The following MAGI1 variants were observed in gnomAD, a reference collection of about 807,000 sequenced individuals.
MAGI1 encodes the protein membrane-associated guanylate kinase, WW and PDZ domain-containing protein 1.
MAGI1 carries 58 observed loss-of-function variants against 139.9 expected under a neutral mutation model. The observed-to-expected ratio is 0.41, with a 90% CI of 0.34 to 0.52. MAGI1 has a LOEUF of 0.52. Ranked by LOEUF, MAGI1 falls within the 20% of genes least tolerant of loss-of-function variation. The pLI is 0.12. For synonymous variants in MAGI1, 812 were observed against 737.9 expected, an observed-to-expected ratio of 1.10 and a Z score of -1.63; for missense variants, 1,874 against 1,901.6, an observed-to-expected ratio of 0.99 and a Z score of 0.27.
At chr3:65,381,339 A>G (rs115137088) in intron 16 of MAGI1, among the ~76,000 whole-genome samples, 1 of 152,280 alleles carries the variant, frequency 6.6e-6, no homozygotes, top group African/African-American at 2.4e-5. Context: ...TATTTTGAGA[A>G]TTAAAGTTCA....
At chr3:65,941,589 T>G (rs2106842204) in intron 1 of MAGI1, among the ~76,000 whole-genome samples, 1 of 152,230 alleles carries the variant, frequency 6.6e-6, no homozygotes, top group Middle Eastern at 3.4e-3. Context: ...AACTGTCCCC[T>G]ATGGGGACAA....
intron 1 of MAGI1, among the ~76,000 whole-genome samples, chr3:65,978,070 C>T (rs1325947736): frequency 1.3e-5 from 2 of 152,140 alleles, no homozygotes; most frequent in Non-Finnish European, 2.9e-5. Context: ...ATGCCTATTA[C>T]GTGCCATATG....
rs371420774 is a variant in MAGI1 at position 66,009,885 on chromosome 3, G to A, written c.313+28111C>T. The stretch of plus-strand genomic sequence containing the variant: ...GAGGTCAGGAGTTCCAGACCAGCCT[G>A]GTTAACATGGTGAAACCCTGTCTCT... On this transcript the variant is annotated intron_variant, in intron 1 of 22. Coordinates refer to ENST00000402939, the MANE Select transcript of MAGI1 (RefSeq NM_001033057.2). Among the ~76,000 whole-genome samples the A allele has an allele frequency of 4.8e-3, 734 of 151,934 alleles. 7 individuals carry two copies. The highest frequency in any genetic ancestry group is 0.016 in the African/African-American group (680 of 41,458).
At chr3:65,530,627 GTGTGTGTGTGTGT>G (rs2078609260) in intron 2 of MAGI1, among the ~76,000 whole-genome samples, 1 of 1,164 alleles carries the variant, frequency 8.6e-4, no homozygotes, top group African/African-American at 1.4e-3. Context: ...TGTGTGTGGT[GTGTGTGTGTGTGT>G]GTGTGTGTGT....
At chr3:65,718,485 C>T (rs932042784) in intron 1 of MAGI1, 4 of 152,124 alleles carry the variant, frequency 2.6e-5, no homozygotes, top group African/African-American at 7.2e-5. Context: ...CTATCTTTTC[C>T]AATCTACTTC....
intron 2 of MAGI1, among the ~76,000 whole-genome samples, chr3:65,524,675 G>T (rs899195810): frequency 1.4e-4 from 21 of 152,162 alleles, no homozygotes; most frequent in Non-Finnish European, 2.1e-4. Context: ...ATAGTGAAGG[G>T]CATTGAAGTT....
chr3:65,763,964 G>A (rs2037257069), intron 1 of MAGI1, among the ~76,000 whole-genome samples: 1 of 151,300 alleles, frequency 6.6e-6, no homozygotes. Flanking sequence ...GCCAGCTACT[G>A]GGGAGGCTGA....
chr3:65,601,650 T>C (rs1228055368), intron 2 of MAGI1, among the ~76,000 whole-genome samples: 5 of 152,070 alleles, frequency 3.3e-5, no homozygotes, highest in Non-Finnish European at 1.5e-5. Context: ...ACCATGGACC[T>C]AAAATTATAA....
At chr3:65,397,950 T>C (rs1575606788) in intron 13 of MAGI1, among the ~76,000 whole-genome samples, 1 of 152,126 alleles carries the variant, frequency 6.6e-6, no homozygotes, top group Non-Finnish European at 1.5e-5. Context: ...CTGGCACACA[T>C]AAAATAATAA....
intron 1 of MAGI1, among the ~76,000 whole-genome samples, chr3:65,745,886 G>C (rs1245660261): frequency 6.6e-6 from 1 of 151,962 alleles, no homozygotes; most frequent in African/African-American, 2.4e-5. Flanking sequence ...GCACTATCAT[G>C]CCCAGCTAAT....
intron 1 of MAGI1, among the ~76,000 whole-genome samples, chr3:65,734,555 A>AAGAAAGAGAGAGAGGGAG (rs2034539618): frequency 7.2e-6 from 1 of 139,592 alleles, no homozygotes; most frequent in Non-Finnish European, 1.5e-5. Flanking sequence ...GAAAGAGAGA[A>AAGAAAGAGAGAGAGGGAG]AGAAAGAGAG....
chr3:65,597,397 G>C (rs1229505193), intron 2 of MAGI1, among the ~76,000 whole-genome samples: 1 of 151,744 alleles, frequency 6.6e-6, no homozygotes, highest in Non-Finnish European at 1.5e-5. Context: ...AATACAAAGC[G>C]CGCGCCACAC....
intron 1 of MAGI1, among the ~76,000 whole-genome samples, chr3:65,812,845 G>C (rs1259154955): frequency 6.6e-6 from 1 of 151,050 alleles, no homozygotes; most frequent in Non-Finnish European, 1.5e-5. Flanking sequence ...AAGTAGCTGG[G>C]ACTACAGGCA....
intron 1 of MAGI1, among the ~76,000 whole-genome samples, chr3:65,763,869 A>G (rs1293827580): frequency 3.9e-5 from 6 of 151,904 alleles, no homozygotes; most frequent in African/African-American, 1.4e-4. Context: ...ACAGGAGTTC[A>G]AGACCAGCCT....
intron 1 of MAGI1, among the ~76,000 whole-genome samples, chr3:65,864,283 C>T (rs1381977004): frequency 6.6e-6 from 1 of 152,162 alleles, no homozygotes; most frequent in Non-Finnish European, 1.5e-5. Context: ...AAAAGCTCAA[C>T]ACTGGATTTT....
At chr3:65,469,293 T>C (rs144455659) in intron 5 of MAGI1, among the ~76,000 whole-genome samples, 24 of 152,310 alleles carry the variant, frequency 1.6e-4, no homozygotes, top group African/African-American at 5.8e-4. Flanking sequence ...TATACGAGTA[T>C]AACAGATGAA....
At chr3:65,464,421 T>G (rs1950039121) in intron 5 of MAGI1, among the ~76,000 whole-genome samples, 1 of 152,162 alleles carries the variant, frequency 6.6e-6, no homozygotes, top group Non-Finnish European at 1.5e-5. Context: ...TCCCACCTAT[T>G]TTAATGTGCT....
At chr3:66,006,805 GGTTTTGTTTTGTTTTGTTTT>G (rs10529713) in intron 1 of MAGI1, among the ~76,000 whole-genome samples, 8 of 147,772 alleles carry the variant, frequency 5.4e-5, no homozygotes, top group African/African-American at 2.0e-4. Context: ...TGAAGAACAT[GGTTTTGTTTTGTTTTGTTTT>G]GTTTTGTTTT....
chr3:65,850,484 C>G, intron 1 of MAGI1, among the ~76,000 whole-genome samples: 1 of 152,128 alleles, frequency 6.6e-6, no homozygotes, highest in Admixed American at 6.5e-5. Flanking sequence ...AGCAAGACAC[C>G]TCTTCCTGGA....
Sources: gnomAD v4.1 joint callset for allele counts (sites outside exome capture counted in the v4.1 genomes callset) on GRCh38, gnomAD v4.1.1 for gene constraint, MANE v1.5 for transcripts, NCBI Gene and HGNC (gene_info 2026-07-23, HGNC 2026-07-21) for gene names.